XKR6: variants seen among roughly 807,000 people sequenced by gnomAD.
XKR6 encodes the protein XK related 6, also known as XK-related protein 6.
Under a neutral mutation model 56.7 loss-of-function variants are expected in XKR6, and 22 were observed. The observed-to-expected ratio is 0.39, with a 90% CI of 0.28 to 0.55. The LOEUF (loss-of-function observed/expected upper bound fraction) is 0.55. XKR6 is among the 20% of genes least tolerant of loss of function. The pLI is 0.66. For missense variants in XKR6, 852 were observed against 889.0 expected (o/e 0.96, Z 0.53); for synonymous variants, 524 against 387.8 (o/e 1.35, Z -4.13).
intron 1 of XKR6, among the ~76,000 whole-genome samples, chr8:11,140,341 C>A (rs1401225868): frequency 6.6e-6 from 1 of 152,178 alleles, no homozygotes; most frequent in Non-Finnish European, 1.5e-5. Flanking sequence ...TACCACCTAT[C>A]TAAGCCTATC....
intron 1 of XKR6, among the ~76,000 whole-genome samples, chr8:11,188,839 T>C (rs1166971664): frequency 6.6e-6 from 1 of 152,124 alleles, no homozygotes; most frequent in African/African-American, 2.4e-5. Flanking sequence ...TCTCCTAGGA[T>C]TTCTGGCCCT....
intron 2 of XKR6, among the ~76,000 whole-genome samples, chr8:10,915,945 T>A (rs563539330): frequency 2.6e-5 from 4 of 152,210 alleles, no homozygotes; most frequent in African/African-American, 9.6e-5. Context: ...TTTCCCTTGA[T>A]TTAATTGCTC....
intron 1 of XKR6, among the ~76,000 whole-genome samples, chr8:11,140,791 G>C (rs1324537770): frequency 1.3e-5 from 2 of 151,894 alleles, no homozygotes; most frequent in South Asian, 4.2e-4. Context: ...CCAGCTACTC[G>C]GGAGGCTGAG....
At chr8:11,078,554 G>T (rs371757803) in intron 1 of XKR6, among the ~76,000 whole-genome samples, 19 of 152,192 alleles carry the variant, frequency 1.2e-4, no homozygotes, top group African/African-American at 4.1e-4. Context: ...AGGAAGAGAG[G>T]ATTTGGGGAA....
intron 1 of XKR6, among the ~76,000 whole-genome samples, chr8:11,152,696 T>C (rs1257810110): frequency 6.6e-6 from 1 of 152,184 alleles, no homozygotes; most frequent in Admixed American, 6.5e-5. Context: ...CAGAACTAAG[T>C]AACCCAGAGA....
chr8:11,131,904 T>C (rs1352673946), intron 1 of XKR6, among the ~76,000 whole-genome samples: 2 of 152,332 alleles, frequency 1.3e-5, no homozygotes, highest in Admixed American at 6.5e-5. Flanking sequence ...TCTAGGTTTG[T>C]GTATGTCAGT....
intron 1 of XKR6, among the ~76,000 whole-genome samples, chr8:11,102,544 C>T (rs1434744820): frequency 1.3e-5 from 2 of 152,156 alleles, no homozygotes; most frequent in South Asian, 2.1e-4. Flanking sequence ...GGGACAAACA[C>T]CAATTGTTGA....
At chr8:11,132,830 C>T (rs2116902125) in intron 1 of XKR6, among the ~76,000 whole-genome samples, 2 of 147,398 alleles carry the variant, frequency 1.4e-5, no homozygotes, top group East Asian at 1.9e-4. Flanking sequence ...ACTTACATTT[C>T]TTTTCACCTG....
At position 11,192,743 on chromosome 8, in the gene XKR6, C is replaced by T; in HGVS notation, c.764+7833G>A. 1.3e-5 allele frequency among the ~76,000 whole-genome samples: 2 copies of T among 152,160 alleles called. 1 individual carries two copies. The highest frequency in any genetic ancestry group is 2.9e-5 in the Non-Finnish European group (2 of 68,032). On this transcript the variant is annotated intron_variant, in intron 1 of 2. Coordinates refer to ENST00000416569, the MANE Select transcript of XKR6 (RefSeq NM_173683.4). ...AAATACACACTCCCTGGCCCAACTCCCTGAGGCTCTGATCCTGGAGTCTGT... is the reference window on the plus strand; with the variant it reads ...AAATACACACTCCCTGGCCCAACTCTCTGAGGCTCTGATCCTGGAGTCTGT...
At chr8:11,030,194 C>A (rs989002412) in intron 1 of XKR6, among the ~76,000 whole-genome samples, 1 of 152,200 alleles carries the variant, frequency 6.6e-6, no homozygotes, top group Non-Finnish European at 1.5e-5. Context: ...CTCATTTCCA[C>A]CTCCGCGTGG....
At chr8:11,177,060 G>C (rs1451719316) in intron 1 of XKR6, among the ~76,000 whole-genome samples, 1 of 152,198 alleles carries the variant, frequency 6.6e-6, no homozygotes, top group Admixed American at 6.5e-5. Context: ...GAGAAGCTAA[G>C]GATCTGAGAA....
At chr8:11,160,249 T>A (rs1224070194) in intron 1 of XKR6, among the ~76,000 whole-genome samples, 2 of 152,226 alleles carry the variant, frequency 1.3e-5, no homozygotes, top group African/African-American at 4.8e-5. Flanking sequence ...GTAGGGATTT[T>A]CTGTTGTTTG....
chr8:11,191,653 G>C (rs1205119711), intron 1 of XKR6, among the ~76,000 whole-genome samples: 2 of 146,382 alleles, frequency 1.4e-5, no homozygotes, highest in Non-Finnish European at 3.0e-5. Flanking sequence ...CAAAATATGA[G>C]CAGACAAGAG....
At chr8:11,062,583 C>G (rs1799863429) in intron 1 of XKR6, 2 of 364,742 alleles carry the variant, frequency 5.5e-6, no homozygotes, top group East Asian at 7.3e-5. Flanking sequence ...ATTAAATGCA[C>G]TAGCAAGGGA....
chr8:10,924,937 C>T, intron 1 of XKR6, 107 bp from the exon 2 acceptor site: 4 of 1,207,004 alleles, frequency 3.3e-6, no homozygotes, highest in Non-Finnish European at 4.6e-6. Context: ...CCCCCAACTC[C>T]CTATGCTCTG....
At chr8:11,039,003 G>A (rs1033779786) in intron 1 of XKR6, among the ~76,000 whole-genome samples, 3 of 152,158 alleles carry the variant, frequency 2.0e-5, no homozygotes, top group African/African-American at 7.2e-5. Flanking sequence ...CCAGCTGCAG[G>A]GCGGGTGGGC....
At chr8:10,964,205 A>T (rs1194859942) in intron 1 of XKR6, among the ~76,000 whole-genome samples, 1 of 152,140 alleles carries the variant, frequency 6.6e-6, no homozygotes, top group African/African-American at 2.4e-5. Flanking sequence ...TCCTGGGGGA[A>T]GACCTTGATT....
At chr8:11,000,472 C>T (rs979330631) in intron 1 of XKR6, among the ~76,000 whole-genome samples, 3 of 152,080 alleles carry the variant, frequency 2.0e-5, no homozygotes, top group Non-Finnish European at 2.9e-5. Context: ...CATCACTTGA[C>T]GTCAAGAGCT....
Position 10,898,851 on chromosome 8 carries a change from G to A in XKR6, c.1027C>T (p.Arg343Trp), listed in dbSNP as rs779390900. The change falls in exon 3 of 3, where the codon CGG becomes TGG. Residue 343 changes from arginine (R) to tryptophan (W), a missense_variant. By Grantham distance (101) the Arg-to-Trp change is moderately radical. Transcript: ENST00000416569. The surrounding 1 kb of genome is among the most constrained non-coding windows in gnomAD (Gnocchi z 6.6). ...CTCTTCTTGTCGTCCCTGGAGTCCCGCAGCAGCTTGTGATAGGAGGCTAGC... is the reference window on the plus strand; with the variant it reads ...CTCTTCTTGTCGTCCCTGGAGTCCCACAGCAGCTTGTGATAGGAGGCTAGC... ...WVLASYHKLL[R>W]DSRDDKKSMS... 6 of 1,613,998 alleles carry A rather than the reference G, an allele frequency of 3.7e-6. No homozygotes were observed. Among genetic ancestry groups the A allele is most frequent in the South Asian group, 1.1e-5 (1 of 91,042 alleles).
Sources: allele counts gnomAD v4.1 joint callset (sites outside exome capture counted in the v4.1 genomes callset), GRCh38; gene constraint gnomAD v4.1.1; non-coding constraint Gnocchi (gnomAD v3.1); transcripts MANE v1.5; gene names NCBI Gene and HGNC (gene_info 2026-07-23, HGNC 2026-07-21).